The following RIN3 variants were observed in gnomAD, a reference collection of about 807,000 sequenced individuals.
RIN3 encodes the protein RAB5 interacting protein 3.
In RIN3, 54 loss-of-function variants were observed where a neutral mutation model predicts 76.3. That is an observed-to-expected ratio of 0.71 (90% CI 0.57 to 0.89). RIN3 has a LOEUF of 0.89. Among genes scored for constraint, RIN3 ranks in the 40% least tolerant of loss-of-function variants. The pLI is 0.00. For synonymous variants in RIN3, 576 were observed against 564.0 expected (o/e 1.02, Z -0.30); for missense variants, 1,256 against 1,322.1 (o/e 0.95, Z 0.78).
intron 2 of RIN3, among the ~76,000 whole-genome samples, chr14:92,562,373 T>C (rs1226706874): frequency 6.6e-6 from 1 of 152,204 alleles, no homozygotes; most frequent in Admixed American, 6.5e-5. Flanking sequence ...ACTGTACTTT[T>C]TGGAAGGCAG....
At chr14:92,644,054 C>G (rs1887108948) in intron 5 of RIN3, among the ~76,000 whole-genome samples, 1 of 152,218 alleles carries the variant, frequency 6.6e-6, no homozygotes, top group Non-Finnish European at 1.5e-5. Context: ...GTGAAACATG[C>G]TCTCCTTTTC....
At chr14:92,553,026 TA>T (rs55684274) in intron 1 of RIN3, among the ~76,000 whole-genome samples, 8,222 of 123,156 alleles carry the variant, frequency 0.067, 283 homozygotes, top group South Asian at 0.095. Flanking sequence ...GTTCTGCAGG[TA>T]AAAAAAAAAA....
At chr14:92,526,771 G>A (rs979416913) in intron 1 of RIN3, among the ~76,000 whole-genome samples, 13 of 152,130 alleles carry the variant, frequency 8.5e-5, no homozygotes, top group African/African-American at 3.1e-4. Context: ...TAAAAACTGA[G>A]CTGTGTCTCA....
intron 7 of RIN3, among the ~76,000 whole-genome samples, chr14:92,673,572 C>A (rs1047742940): frequency 6.6e-6 from 1 of 151,046 alleles, no homozygotes; most frequent in Non-Finnish European, 1.5e-5. Flanking sequence ...GTGGCACAAT[C>A]TTGGCTCACT....
intron 4 of RIN3, among the ~76,000 whole-genome samples, chr14:92,640,219 C>T (rs61992593): frequency 2.4e-4 from 17 of 71,360 alleles, no homozygotes; most frequent in African/African-American, 8.2e-4. Context: ...CCTGACTGTG[C>T]GTTTGCTGGG....
At chr14:92,583,449 T>G (rs1439009011) in intron 3 of RIN3, among the ~76,000 whole-genome samples, 3 of 152,264 alleles carry the variant, frequency 2.0e-5, no homozygotes, top group African/African-American at 7.2e-5. Context: ...CCCAGTTGCT[T>G]GCACACACAT....
At position 92,643,910 on chromosome 14, in the gene RIN3, A is replaced by G. The variant is rs1887103797; in HGVS notation, c.532+2581A>G. Among the ~76,000 whole-genome samples the G allele has an allele frequency of 6.6e-6, 1 of 152,108 alleles. No individual in the cohort carries two copies. Among genetic ancestry groups the G allele is most frequent in the Admixed American group, 6.5e-5 (1 of 15,274 alleles). On this transcript the variant is annotated intron_variant, in intron 5 of 9. Transcript: ENST00000216487. The surrounding 1 kb of genome is among the most constrained non-coding windows in gnomAD (Gnocchi z 4.8). ...CCCACTGCACTCCAGCGTGGGCAAC[A>G]GACTGAGACTCTGCCTCAAAAAAAA...
intron 1 of RIN3, among the ~76,000 whole-genome samples, chr14:92,546,599 C>A (rs373716980): frequency 3.9e-5 from 6 of 152,158 alleles, no homozygotes; most frequent in Non-Finnish European, 8.8e-5. Flanking sequence ...AACATGTAAA[C>A]GCGGGTGTTC....
At chr14:92,614,867 CAG>C (rs1885891711) in intron 3 of RIN3, among the ~76,000 whole-genome samples, 1 of 121,226 alleles carries the variant, frequency 8.2e-6, no homozygotes, top group African/African-American at 3.3e-5. Context: ...TTTTTTGAGA[CAG>C]AGTCTCACTC....
intron 4 of RIN3, among the ~76,000 whole-genome samples, chr14:92,638,278 G>A (rs1237266564): frequency 6.6e-6 from 1 of 152,242 alleles, no homozygotes; most frequent in Admixed American, 6.5e-5. Flanking sequence ...GGTGGGAAAT[G>A]AGTGGGGCAC....
rs1887278489 is a variant in RIN3, at chr14:92,648,358, G to T, written c.533-3224G>T. ...TCTGTTCCTGCCAAAATCCACACCTGAGCAATGGGAAATGTTGTCTTCTGT... is the reference window on the plus strand; with the variant it reads ...TCTGTTCCTGCCAAAATCCACACCTTAGCAATGGGAAATGTTGTCTTCTGT... On this transcript the variant is annotated intron_variant, in intron 5 of 9. Transcript: ENST00000216487. This position sits in a 1 kb window ranked among gnomAD's most constrained non-coding sequence, Gnocchi z 4.1. Among the ~76,000 whole-genome samples, 1 of 152,210 alleles carries T rather than the reference G, an allele frequency of 6.6e-6. No homozygotes were observed. The highest frequency in any genetic ancestry group is 6.5e-5 in the Admixed American group (1 of 15,282).
chr14:92,528,845 C>T (rs780251956), intron 1 of RIN3, among the ~76,000 whole-genome samples: 12 of 152,110 alleles, frequency 7.9e-5, no homozygotes, highest in Non-Finnish European at 7.4e-5. Flanking sequence ...GTGAGCGGTT[C>T]GCGGGACACA....
intron 3 of RIN3, among the ~76,000 whole-genome samples, chr14:92,604,028 G>A (rs900332894): frequency 2.6e-5 from 4 of 152,250 alleles, no homozygotes; most frequent in African/African-American, 9.6e-5. Flanking sequence ...GGTTCCCATG[G>A]CAACTGCGGT....
chr14:92,558,931 A>T (rs751825128), intron 2 of RIN3, among the ~76,000 whole-genome samples: 31 of 144,808 alleles, frequency 2.1e-4, no homozygotes, highest in Admixed American at 3.5e-4. Flanking sequence ...CAGTGGCGCA[A>T]TCTCAGCTCA....
intron 4 of RIN3, among the ~76,000 whole-genome samples, chr14:92,630,569 C>G (rs528865093): frequency 6.6e-5 from 10 of 152,328 alleles, no homozygotes; most frequent in Admixed American, 2.0e-4. Context: ...TAGGGGTTTG[C>G]TGGAGCAGCG....
At position 92,623,122 on chromosome 14, in the gene RIN3, A is replaced by G. The variant is rs1886242846; in HGVS notation, c.440+7643A>G. 6.6e-6 allele frequency among the ~76,000 whole-genome samples: 1 copy of G among 152,238 alleles called. No homozygotes were observed. Among genetic ancestry groups the G allele is most frequent in the Non-Finnish European group, 1.5e-5 (1 of 68,042 alleles). ...TAGAGGCCATGAGTCCTTTCCATTTACCAAACCATTGCCCTAACCATCCTG... is the reference window on the plus strand; with the variant it reads ...TAGAGGCCATGAGTCCTTTCCATTTGCCAAACCATTGCCCTAACCATCCTG... On this transcript the variant is annotated intron_variant, in intron 4 of 9. Coordinates refer to ENST00000216487, the MANE Select transcript of RIN3 (RefSeq NM_024832.5). This position sits in a 1 kb window ranked among gnomAD's most constrained non-coding sequence, Gnocchi z 4.9.
At chr14:92,563,275 C>T (rs550434235) in intron 2 of RIN3, among the ~76,000 whole-genome samples, 2 of 152,104 alleles carry the variant, frequency 1.3e-5, no homozygotes, top group Admixed American at 6.5e-5. Flanking sequence ...GCAGGAGAAT[C>T]GCTTGAACCC....
At chr14:92,660,354 C>T (rs1258436249) in intron 7 of RIN3, among the ~76,000 whole-genome samples, 4 of 150,598 alleles carry the variant, frequency 2.7e-5, no homozygotes, top group African/African-American at 4.9e-5. Flanking sequence ...TGCTCTGGGA[C>T]GGCCTTGCCC....
intron 7 of RIN3, among the ~76,000 whole-genome samples, chr14:92,668,739 G>T (rs1888191245): frequency 6.6e-6 from 1 of 152,098 alleles, no homozygotes; most frequent in South Asian, 2.1e-4. Flanking sequence ...AACTCTCTAG[G>T]GGCCACAGAC....
Sources: gnomAD v4.1 joint callset for allele counts (sites outside exome capture counted in the v4.1 genomes callset) on GRCh38, gnomAD v4.1.1 for gene constraint, Gnocchi (gnomAD v3.1) non-coding constraint, MANE v1.5 for transcripts, NCBI Gene and HGNC (gene_info 2026-07-23, HGNC 2026-07-21) for gene names.